Variants in IRAK2 observed in about 807,000 individuals in gnomAD.
IRAK2 encodes the protein interleukin 1 receptor associated kinase 2.
In IRAK2, 57 loss-of-function variants were observed where a neutral mutation model predicts 72.0. That is an observed-to-expected ratio of 0.79 (90% confidence interval 0.64 to 0.99). The LOEUF (loss-of-function observed/expected upper bound fraction) is 0.99, where lower values mean the gene tolerates loss of function less well. IRAK2 is among the 50% of genes least tolerant of loss of function. The pLI is 0.00. For missense variants in IRAK2, 790 were observed against 794.4 expected (o/e 0.99, Z 0.07); for synonymous variants, 293 against 312.7 (o/e 0.94, Z 0.67).
intron 3 of IRAK2, among the ~76,000 whole-genome samples, chr3:10,201,778 A>AAG (rs1697364325): frequency 2.6e-5 from 4 of 152,186 alleles, no homozygotes; most frequent in African/African-American, 9.6e-5. Context: ...CGGCCTCCTG[A>AAG]GTGGTGAGCC....
chr3:10,232,902 A>C (rs1046403357), intron 10 of IRAK2, among the ~76,000 whole-genome samples: 2 of 152,106 alleles, frequency 1.3e-5, no homozygotes, highest in Admixed American at 1.3e-4. Context: ...CATCTCTACA[A>C]AAAATTTAAA....
intron 10 of IRAK2, among the ~76,000 whole-genome samples, chr3:10,233,206 T>G (rs1697883610): frequency 6.6e-6 from 1 of 152,052 alleles, no homozygotes; most frequent in African/African-American, 2.4e-5. Context: ...CGCACCGCCA[T>G]GCCCGGCTAA....
chr3:10,191,057 G>T (rs775201932), intron 2 of IRAK2, among the ~76,000 whole-genome samples: 25 of 152,174 alleles, frequency 1.6e-4, no homozygotes, highest in Non-Finnish European at 3.2e-4. Context: ...CACTTTGGGA[G>T]GCCGAGGCCG....
chr3:10,224,601 A>G (rs115320925), intron 9 of IRAK2, among the ~76,000 whole-genome samples: 108 of 149,960 alleles, frequency 7.2e-4, no homozygotes, highest in African/African-American at 2.6e-3. Context: ...CCTCCTTCTG[A>G]TATCTGTTTA....
intron 2 of IRAK2, among the ~76,000 whole-genome samples, chr3:10,192,949 AT>A (rs978941063): frequency 6.6e-6 from 1 of 151,616 alleles, no homozygotes; most frequent in Non-Finnish European, 1.5e-5. Context: ...CTGGGTGTTA[AT>A]TTTTTTATCC....
At chr3:10,224,336 CAAA>C (rs202221336) in intron 9 of IRAK2, among the ~76,000 whole-genome samples, 23 of 121,802 alleles carry the variant, frequency 1.9e-4, no homozygotes, top group South Asian at 1.0e-3. Flanking sequence ...GATTCTGTCT[CAAA>C]AAAAAAAAAA....
At chr3:10,180,834 T>G (rs900605524) in intron 2 of IRAK2, among the ~76,000 whole-genome samples, 8 of 151,898 alleles carry the variant, frequency 5.3e-5, no homozygotes, top group Admixed American at 5.3e-4. Context: ...GCTGGGCTTT[T>G]GGGGGCATTG....
chr3:10,223,948 G>A (rs1443822653), intron 9 of IRAK2, among the ~76,000 whole-genome samples: 3 of 152,182 alleles, frequency 2.0e-5, no homozygotes, highest in Admixed American at 2.0e-4. Context: ...CTGCACCTCC[G>A]TGTCTCCCAG....
intron 10 of IRAK2, among the ~76,000 whole-genome samples, chr3:10,226,751 C>G (rs1277354430): frequency 6.6e-6 from 1 of 151,270 alleles, no homozygotes. Context: ...AACCCTGTCT[C>G]TATTAAAAAA....
rs1453163283 is a variant in IRAK2 at position 10,234,650 on chromosome 3, C to A, written c.1464C>A (p.Ser488Arg). The A allele has an allele frequency of 6.2e-7, 1 of 1,612,470 alleles. No individual in the cohort carries two copies. The highest frequency in any genetic ancestry group is 2.2e-5 in the East Asian group (1 of 44,852). The change falls in exon 11 of 13, where the codon AGC becomes AGA. Residue 488 changes from serine to arginine, a missense_variant. Physicochemically the swap from Ser to Arg is moderately radical, Grantham distance 110 (BLOSUM62 -1). Transcript: ENST00000256458. ...TGTGCCTGCGGAGGCGTAACACCAG[C>A]CTGCAGGAGGTGAGCCTCGCCCGCA... ...ACLCLRRRNT[S>R]LQEVCGSVAA...
chr3:10,221,382 T>G (rs1697689590), intron 8 of IRAK2, among the ~76,000 whole-genome samples: 1 of 145,906 alleles, frequency 6.9e-6, no homozygotes, highest in East Asian at 2.0e-4. Context: ...GCCTCCAGAG[T>G]AGCTGGGACT....
chr3:10,194,286 T>C (rs560640738), intron 2 of IRAK2, among the ~76,000 whole-genome samples: 1 of 152,388 alleles, frequency 6.6e-6, no homozygotes, highest in African/African-American at 2.4e-5. Flanking sequence ...TGATCCTAGT[T>C]CTACTCTTTG....
intron 7 of IRAK2, 142 bp downstream of exon 7, chr3:10,217,190 AG>A: frequency 1.6e-6 from 1 of 635,266 alleles, no homozygotes; most frequent in Non-Finnish European, 2.8e-6. Context: ...AAGTGGGGCC[AG>A]GATACATAAG....
chr3:10,188,046 C>T (rs1230133361), intron 2 of IRAK2, among the ~76,000 whole-genome samples: 2 of 152,156 alleles, frequency 1.3e-5, no homozygotes, highest in African/African-American at 4.8e-5. Context: ...ATACTGGCAT[C>T]TTAGGGGCTT....
intron 2 of IRAK2, among the ~76,000 whole-genome samples, chr3:10,189,433 A>G (rs1697138609): frequency 6.6e-6 from 1 of 152,184 alleles, no homozygotes. Context: ...ACCTGGGAGT[A>G]TCCCCTGTTT....
At chr3:10,177,725 G>T (rs111359457) in intron 1 of IRAK2, 113 bp from the exon 2 acceptor site, 4 of 992,970 alleles carry the variant, frequency 4.0e-6, no homozygotes. Flanking sequence ...CCAGTGTGGA[G>T]GCGGTGGTTG....
chr3:10,186,804 T>A (rs1286304688), intron 2 of IRAK2, among the ~76,000 whole-genome samples: 11 of 147,256 alleles, frequency 7.5e-5, no homozygotes, highest in South Asian at 6.4e-4. Flanking sequence ...TTTTTTTTTT[T>A]AAATAGAGAC....
At chr3:10,166,665 G>A (rs1400670843) in intron 1 of IRAK2, among the ~76,000 whole-genome samples, 1 of 151,806 alleles carries the variant, frequency 6.6e-6, no homozygotes, top group Non-Finnish European at 1.5e-5. Flanking sequence ...TTATTTTTTT[G>A]AGACAGTCTC....
In IRAK2 at chr3:10,188,563, G is replaced by A. The variant is rs190255597; in HGVS notation, c.277+10543G>A. On this transcript the variant is annotated intron_variant, in intron 2 of 12. Coordinates refer to ENST00000256458, the MANE Select transcript of IRAK2 (RefSeq NM_001570.4). Reference sequence around the variant, plus strand: ...ATTTTTGAAATGGAGTTTCGCTCTTGTTGCCCAGGCTGGAGTGCAATAGCG... The same window carrying A: ...ATTTTTGAAATGGAGTTTCGCTCTTATTGCCCAGGCTGGAGTGCAATAGCG... Among the ~76,000 whole-genome samples the A allele has an allele frequency of 5.3e-3, 803 of 152,118 alleles. 8 individuals are homozygous for A. Among genetic ancestry groups the A allele is most frequent in the South Asian group, 0.029 (140 of 4,816 alleles).
Sources: gnomAD v4.1 joint callset for allele counts (sites outside exome capture counted in the v4.1 genomes callset) on GRCh38, gnomAD v4.1.1 for gene constraint, MANE v1.5 for transcripts, NCBI Gene and HGNC (gene_info 2026-07-23, HGNC 2026-07-21) for gene names.